UTRN: variants seen among roughly 807,000 people sequenced by gnomAD.
UTRN encodes the protein dystrophin-related protein 1.
UTRN carries 283 observed loss-of-function variants against 463.9 expected under a neutral mutation model. The observed-to-expected ratio is 0.61, with a 90% CI of 0.55 to 0.67. UTRN has a LOEUF of 0.67. Among genes scored for constraint, UTRN ranks in the 30% least tolerant of loss-of-function variants. The probability of loss-of-function intolerance (pLI) is 0.00; values close to 1 mark genes in which losing one functional copy is unlikely to be tolerated. For synonymous variants in UTRN, 1,442 were observed against 1,431.5 expected (o/e 1.01, Z -0.17); for missense variants, 3,922 against 4,084.3 (o/e 0.96, Z 1.08).
In UTRN at chr6:144,302,950, G is replaced by T. The variant is rs562083150; in HGVS notation, c.79+11043G>T. Among the ~76,000 whole-genome samples, 11 of 152,306 alleles carry T rather than the reference G, an allele frequency of 7.2e-5. No individual in the cohort carries two copies. The South Asian group carries it at 2.1e-3, about 29-fold the overall frequency. On this transcript the variant is annotated intron_variant, in intron 2 of 74. Transcript: ENST00000367545. ...GGGATGATGGGAGAAGCTGGGGTCA[G>T]ATTTCGAAAGCCCTTTTGAAGCAGG... is the stretch of plus-strand genomic sequence containing the variant.
chr6:144,538,753 C>G (rs1043168359), intron 44 of UTRN, among the ~76,000 whole-genome samples: 1 of 151,656 alleles, frequency 6.6e-6, no homozygotes, highest in Non-Finnish European at 1.5e-5. Context: ...CTTACTAATT[C>G]AGAGATTTTG....
intron 2 of UTRN, among the ~76,000 whole-genome samples, chr6:144,317,550 C>T (rs1775361461): frequency 6.6e-6 from 1 of 152,118 alleles, no homozygotes; most frequent in South Asian, 2.1e-4. Context: ...GCACCCACCA[C>T]CATGCCTAGC....
chr6:144,606,216 G>T (rs545673884), intron 51 of UTRN, among the ~76,000 whole-genome samples: 17 of 152,212 alleles, frequency 1.1e-4, no homozygotes, highest in African/African-American at 3.9e-4. Flanking sequence ...TTGTTATTTT[G>T]ATGTGATGAC....
chr6:144,540,323 A>G (rs1285906390), intron 45 of UTRN, among the ~76,000 whole-genome samples: 1 of 152,158 alleles, frequency 6.6e-6, no homozygotes, highest in Non-Finnish European at 1.5e-5. Flanking sequence ...TGTATAGGAC[A>G]TTGAATGGAT....
intron 54 of UTRN, among the ~76,000 whole-genome samples, chr6:144,732,251 T>TAC (rs1240022180): frequency 1.2e-4 from 14 of 116,098 alleles, no homozygotes; most frequent in South Asian, 5.3e-4. Context: ...TATATATATA[T>TAC]ATATATACAC....
intron 54 of UTRN, among the ~76,000 whole-genome samples, chr6:144,740,198 G>A (rs1412767399): frequency 1.3e-5 from 2 of 152,160 alleles, no homozygotes; most frequent in Admixed American, 1.3e-4. Flanking sequence ...CTGCCATAGT[G>A]TACTATCTTA....
chr6:144,577,847 C>T (rs533010017), intron 51 of UTRN, among the ~76,000 whole-genome samples: 17 of 152,260 alleles, frequency 1.1e-4, no homozygotes, highest in Middle Eastern at 3.4e-3. Context: ...TTATGAAATA[C>T]GTCTGAATCT....
chr6:144,333,873 AT>A (rs1325166880), intron 2 of UTRN, among the ~76,000 whole-genome samples: 2 of 152,182 alleles, frequency 1.3e-5, no homozygotes, highest in Non-Finnish European at 2.9e-5. Context: ...CATTTTATTC[AT>A]TCGTTCAGTA....
intron 3 of UTRN, among the ~76,000 whole-genome samples, chr6:144,410,438 T>C (rs1392928751): frequency 6.6e-6 from 1 of 152,126 alleles, no homozygotes; most frequent in Non-Finnish European, 1.5e-5. Flanking sequence ...TTTCCATAGG[T>C]TTTGGGGGGA....
chr6:144,814,029 G>C (rs1778861788), intron 65 of UTRN, among the ~76,000 whole-genome samples: 1 of 152,170 alleles, frequency 6.6e-6, no homozygotes, highest in African/African-American at 2.4e-5. Flanking sequence ...TGCTGGTAGA[G>C]GGTATGGGGG....
intron 2 of UTRN, among the ~76,000 whole-genome samples, chr6:144,355,782 A>G (rs570273896): frequency 6.6e-6 from 1 of 152,254 alleles, no homozygotes; most frequent in African/African-American, 2.4e-5. Context: ...CACTGTTAAC[A>G]TCTTACATTA....
chr6:144,590,876 G>T (rs112916789), intron 51 of UTRN, among the ~76,000 whole-genome samples: 6 of 100,326 alleles, frequency 6.0e-5, no homozygotes, highest in African/African-American at 3.1e-4. Context: ...ACACACACAC[G>T]CACATGCACA....
intron 2 of UTRN, among the ~76,000 whole-genome samples, chr6:144,392,343 A>G (rs770947509): frequency 1.7e-4 from 26 of 152,194 alleles, no homozygotes; most frequent in Non-Finnish European, 2.5e-4. Context: ...CCTCCAGCCA[A>G]TGGCTGAACA....
chr6:144,381,188 A>C (rs543531062), intron 2 of UTRN, among the ~76,000 whole-genome samples: 5 of 152,258 alleles, frequency 3.3e-5, no homozygotes, highest in African/African-American at 9.6e-5. Flanking sequence ...TCCACCCTCC[A>C]ATAGACCCCA....
intron 52 of UTRN, among the ~76,000 whole-genome samples, chr6:144,683,465 C>T (rs1782416634): frequency 1.3e-5 from 2 of 152,082 alleles, no homozygotes; most frequent in Admixed American, 6.5e-5. Flanking sequence ...AGAGGCAATC[C>T]ACCTCCCAGG....
chr6:144,700,141 A>G lies in UTRN; in HGVS notation c.7707A>G (p.Glu2569=). ...EKWNRLLMSL[E]ELIKWLNMKD... is the part of the protein sequence containing the mutation. ...GGAACAGGTTGCTGATGTCCTTAGA[A>G]GAACTGATCAAATGGCTGAATATGA... is the stretch of plus-strand genomic sequence containing the variant. Residue 2569 remains glutamate, a synonymous_variant, in exon 53 of 75, where the codon GAA becomes GAG. Transcript: ENST00000367545. 6.2e-7 allele frequency: 1 copy of G among 1,613,682 alleles called. No homozygotes were observed. Among genetic ancestry groups the G allele is most frequent in the South Asian group, 1.1e-5 (1 of 91,046 alleles).
At chr6:144,770,620 A>G (rs1264421200) in intron 58 of UTRN, among the ~76,000 whole-genome samples, 1 of 151,922 alleles carries the variant, frequency 6.6e-6, no homozygotes, top group Non-Finnish European at 1.5e-5. Context: ...TGTTTACCTA[A>G]GAAACTTAAT....
intron 51 of UTRN, among the ~76,000 whole-genome samples, chr6:144,663,890 A>G (rs575330590): frequency 6.6e-6 from 1 of 152,288 alleles, no homozygotes; most frequent in South Asian, 2.1e-4. Flanking sequence ...CCTCAATAAG[A>G]TATAGTAAAC....
At chr6:144,486,350 A>G (rs1303308903) in intron 28 of UTRN, among the ~76,000 whole-genome samples, 2 of 152,216 alleles carry the variant, frequency 1.3e-5, no homozygotes, top group East Asian at 1.9e-4. Flanking sequence ...TTCCTAATGT[A>G]AGAGTGAATA....
Sources: gnomAD v4.1 joint callset for allele counts (sites outside exome capture counted in the v4.1 genomes callset) on GRCh38, gnomAD v4.1.1 for gene constraint, MANE v1.5 for transcripts, NCBI Gene and HGNC (gene_info 2026-07-23, HGNC 2026-07-21) for gene names.